The following RASSF8 variants were observed in gnomAD, a reference collection of about 807,000 sequenced individuals.
RASSF8 encodes the protein ras association domain-containing protein 8.
A neutral mutation model predicts 48.5 loss-of-function variants in RASSF8; 22 were observed. The ratio of observed to expected loss-of-function variants is 0.45; its 90% CI spans 0.32 to 0.65. The LOEUF (loss-of-function observed/expected upper bound fraction) is 0.65. Among genes scored for constraint, RASSF8 ranks in the 30% least tolerant of loss-of-function variants. The probability of loss-of-function intolerance (pLI) is 0.03; values close to 1 mark genes in which losing one functional copy is unlikely to be tolerated. For synonymous variants in RASSF8, 127 were observed against 171.5 expected, an observed-to-expected ratio of 0.74 and a Z score of 2.03; for missense variants, 418 against 489.2, an observed-to-expected ratio of 0.85 and a Z score of 1.37.
At chr12:26,000,780 G>C (rs1942236144) in intron 2 of RASSF8, among the ~76,000 whole-genome samples, 1 of 152,076 alleles carries the variant, frequency 6.6e-6, no homozygotes, top group African/African-American at 2.4e-5. Context: ...CATAGAAAAG[G>C]TATGGTAGAA....
At chr12:25,970,595 A>G (rs1371701039) in intron 1 of RASSF8, among the ~76,000 whole-genome samples, 2 of 152,140 alleles carry the variant, frequency 1.3e-5, no homozygotes, top group Non-Finnish European at 2.9e-5. Flanking sequence ...TCTTGGACAC[A>G]GAAATCTCAC....
At chr12:25,972,120 A>G (rs1941499897) in intron 1 of RASSF8, among the ~76,000 whole-genome samples, 1 of 152,210 alleles carries the variant, frequency 6.6e-6, no homozygotes, top group Non-Finnish European at 1.5e-5. Context: ...GACCAAACGA[A>G]TAATTTGAAA....
intron 1 of RASSF8, among the ~76,000 whole-genome samples, chr12:25,961,797 C>T (rs1259023401): frequency 1.3e-5 from 2 of 152,226 alleles, no homozygotes; most frequent in Non-Finnish European, 2.9e-5. Flanking sequence ...TGTTCCCCCT[C>T]CATTTTTCAT....
intron 1 of RASSF8, among the ~76,000 whole-genome samples, chr12:25,981,132 T>C (rs1014690624): frequency 6.6e-6 from 1 of 152,104 alleles, no homozygotes; most frequent in East Asian, 1.9e-4. Context: ...CCTTTCATTC[T>C]GGATGATTGT....
Position 26,032,055 on chromosome 12 carries a change from A to G in RASSF8, c.-108-23181A>G, listed in dbSNP as rs148040245. ...CCAGAAGTAGTGACTTAGGAGAACT[A>G]TGGTCTTGAGATGCTTGGAAATTTT... is the stretch of plus-strand genomic sequence containing the variant. On this transcript the variant is annotated intron_variant, in intron 2 of 5. Transcript: ENST00000689635. 1.0e-3 allele frequency among the ~76,000 whole-genome samples: 152 copies of G among 152,292 alleles called. 1 individual carries two copies. The highest frequency in any genetic ancestry group is 3.4e-3 in the Middle Eastern group (1 of 294).
At chr12:25,996,873 A>T (rs780813886) in intron 2 of RASSF8, among the ~76,000 whole-genome samples, 1 of 152,156 alleles carries the variant, frequency 6.6e-6, no homozygotes, top group Non-Finnish European at 1.5e-5. Flanking sequence ...TCTGAATGAA[A>T]CATCCAGTTC....
chr12:25,973,378 G>C (rs1941529035), intron 1 of RASSF8, among the ~76,000 whole-genome samples: 2 of 152,154 alleles, frequency 1.3e-5, no homozygotes, highest in South Asian at 2.1e-4. Flanking sequence ...AGGATAACCA[G>C]GTTCTGTTTG....
At chr12:26,013,077 G>A (rs368182323) in intron 2 of RASSF8, among the ~76,000 whole-genome samples, 7 of 152,218 alleles carry the variant, frequency 4.6e-5, no homozygotes, top group Admixed American at 2.6e-4. Flanking sequence ...ATCTCCCGGA[G>A]CTAAAAACTG....
At chr12:26,001,313 G>T (rs565894331) in intron 2 of RASSF8, among the ~76,000 whole-genome samples, 21 of 151,382 alleles carry the variant, frequency 1.4e-4, no homozygotes, top group African/African-American at 4.8e-4. Flanking sequence ...GGGATTACAG[G>T]CCTATTTTTA....
intron 1 of RASSF8, among the ~76,000 whole-genome samples, chr12:25,985,261 G>A (rs1941845724): frequency 6.6e-6 from 1 of 152,156 alleles, no homozygotes; most frequent in Non-Finnish European, 1.5e-5. Context: ...ATCTAATGCT[G>A]TAACTATAGA....
chr12:25,978,153 T>G (rs1266913590), intron 1 of RASSF8, among the ~76,000 whole-genome samples: 1 of 152,332 alleles, frequency 6.6e-6, no homozygotes, highest in East Asian at 1.9e-4. Flanking sequence ...TCTAACACAA[T>G]TTTTTAAAAA....
chr12:25,988,554 A>G (rs1941942133), intron 1 of RASSF8, among the ~76,000 whole-genome samples: 1 of 152,204 alleles, frequency 6.6e-6, no homozygotes, highest in Non-Finnish European at 1.5e-5. Context: ...TAAAGTCACA[A>G]TTTAATAAAA....
intron 5 of RASSF8, 60 bp downstream of exon 5, chr12:26,067,773 T>C (rs1943911592): frequency 1.9e-6 from 3 of 1,595,910 alleles, no homozygotes; most frequent in South Asian, 2.2e-5. Flanking sequence ...ACTTTTTTTG[T>C]TTTTGTTTTT....
At chr12:26,004,135 C>G (rs1176397304) in intron 2 of RASSF8, among the ~76,000 whole-genome samples, 1 of 152,124 alleles carries the variant, frequency 6.6e-6, no homozygotes, top group African/African-American at 2.4e-5. Flanking sequence ...TGTGATTGTG[C>G]CACTGCACTC....
At chr12:26,064,037 TGATGTG>T (rs1943807481) in intron 3 of RASSF8, among the ~76,000 whole-genome samples, 1 of 152,176 alleles carries the variant, frequency 6.6e-6, no homozygotes, top group South Asian at 2.1e-4. Context: ...TCCCAAGTTC[TGATGTG>T]GAAAAAAGCC....
chr12:26,070,277 T>C lies in RASSF8; in HGVS notation c.*1459T>C, dbSNP rs1943971921. ...TCTTATGCATGAAGGCAACTTTGGATGTTTTAACACATTTGACTGACTTTG... is the reference window on the plus strand; with the variant it reads ...TCTTATGCATGAAGGCAACTTTGGACGTTTTAACACATTTGACTGACTTTG... On this transcript the variant is annotated 3_prime_UTR_variant, in exon 6 of 6. Coordinates refer to ENST00000689635, the MANE Select transcript of RASSF8 (RefSeq NM_001394098.1). The C allele has an allele frequency of 2.0e-6, 2 of 985,164 alleles. No individual in the cohort carries two copies. The highest frequency in any genetic ancestry group is 6.1e-5 in the Admixed American group (1 of 16,268). The allele number at this position is 985,164 out of a possible 1,614,324, so 61.0% of individuals were successfully genotyped here. A position where few individuals can be genotyped will look rare whatever the true frequency, so the allele number is the denominator to read the frequency against.
intron 1 of RASSF8, among the ~76,000 whole-genome samples, chr12:25,976,948 G>C (rs1172637056): frequency 2.0e-5 from 3 of 152,050 alleles, no homozygotes; most frequent in African/African-American, 4.8e-5. Context: ...ACGTTTCCCT[G>C]GTCCACAGTT....
At chr12:25,962,442 A>G (rs773634769) in intron 1 of RASSF8, among the ~76,000 whole-genome samples, 7 of 152,188 alleles carry the variant, frequency 4.6e-5, no homozygotes, top group Non-Finnish European at 1.0e-4. Flanking sequence ...CACAATTTAT[A>G]TATTATTTAA....
chr12:26,008,517 AAC>A (rs1942447411), intron 2 of RASSF8, among the ~76,000 whole-genome samples: 2 of 152,324 alleles, frequency 1.3e-5, no homozygotes, highest in African/African-American at 4.8e-5. Flanking sequence ...TGCTTTCAGA[AAC>A]ACAGGCTGAT....
Sources: gnomAD v4.1 joint callset for allele counts (sites outside exome capture counted in the v4.1 genomes callset) on GRCh38, gnomAD v4.1.1 for gene constraint, MANE v1.5 for transcripts, NCBI Gene and HGNC (gene_info 2026-07-23, HGNC 2026-07-21) for gene names.